CSMD1: variants seen among roughly 807,000 people sequenced by gnomAD.
The protein encoded by CSMD1 is CUB and Sushi multiple domains 1.
CSMD1 carries 213 observed loss-of-function variants against 417.5 expected under a neutral mutation model. The observed-to-expected ratio is 0.51, with a 90% confidence interval of 0.46 to 0.57. The LOEUF is 0.57. CSMD1 is among the 20% of genes least tolerant of loss of function. The pLI is 0.00. For synonymous variants in CSMD1, 2,862 were observed against 1,736.8 expected (o/e 1.65, Z -16.11); for missense variants, 6,923 against 4,529.7 (o/e 1.53, Z -15.17).
intron 39 of CSMD1, 28 bp downstream of exon 39, chr8:3,157,869 A>T: frequency 6.5e-7 from 1 of 1,532,976 alleles, no homozygotes; most frequent in Non-Finnish European, 8.9e-7. Context: ...TGTGCGCAGC[A>T]GCAGAGTTAC....
intron 3 of CSMD1, among the ~76,000 whole-genome samples, chr8:4,412,431 G>C (rs113351507): frequency 0.023 from 3,552 of 152,248 alleles, 130 homozygotes; most frequent in African/African-American, 0.081. Flanking sequence ...ACCATGATTG[G>C]AAGCTTCCCG....
chr8:4,026,582 G>T (rs566955853), intron 4 of CSMD1, among the ~76,000 whole-genome samples: 24 of 152,288 alleles, frequency 1.6e-4, no homozygotes, highest in Non-Finnish European at 3.2e-4. Context: ...AATGTCACAA[G>T]GAACTAAGGA....
intron 2 of CSMD1, among the ~76,000 whole-genome samples, chr8:4,554,079 T>C (rs1797987121): frequency 6.6e-6 from 1 of 152,222 alleles, no homozygotes; most frequent in South Asian, 2.1e-4. Context: ...CTTCAGGTTT[T>C]TAATATTGTG....
intron 5 of CSMD1, among the ~76,000 whole-genome samples, chr8:3,930,477 T>G (rs953384990): frequency 2.7e-5 from 4 of 150,664 alleles, no homozygotes; most frequent in African/African-American, 9.8e-5. Context: ...TTTCTCACCA[T>G]TCCACAAGTT....
At chr8:4,683,394 G>T (rs1429079588) in intron 1 of CSMD1, among the ~76,000 whole-genome samples, 1 of 152,044 alleles carries the variant, frequency 6.6e-6, no homozygotes, top group East Asian at 1.9e-4. Flanking sequence ...CCTTTTCTGA[G>T]ACCTGTCCTT....
Position 4,949,337 on chromosome 8 carries a change from A to G in CSMD1, c.85+44995T>C, listed in dbSNP as rs149871343. On this transcript the variant is annotated intron_variant, in intron 1 of 69. Transcript: ENST00000635120. ...AAAGTTATTTTGGCCTCATTAACTG[A>G]TATTTCACTTTATTATTTGTAAATG... Among the ~76,000 whole-genome samples the G allele has an allele frequency of 7.5e-4, 114 of 152,262 alleles. No homozygotes were observed. In the East Asian group the frequency reaches 0.019, roughly 25 times the overall value.
chr8:3,175,340 C>G (rs1820843107), intron 37 of CSMD1, among the ~76,000 whole-genome samples: 1 of 152,058 alleles, frequency 6.6e-6, no homozygotes, highest in African/African-American at 2.4e-5. Flanking sequence ...CTGATTCAAC[C>G]TCCTACGTTA....
chr8:4,934,568 G>T (rs551527099), intron 1 of CSMD1, among the ~76,000 whole-genome samples: 25 of 152,078 alleles, frequency 1.6e-4, no homozygotes, highest in Non-Finnish European at 2.2e-4. Context: ...ACTGCAACAT[G>T]GACAAAGAAA....
intron 23 of CSMD1, among the ~76,000 whole-genome samples, chr8:3,311,846 T>G (rs1055530550): frequency 6.6e-6 from 1 of 152,208 alleles, no homozygotes. Context: ...CTGTGGGACT[T>G]ACAAATTGTT....
chr8:3,936,040 G>C (rs751527095), intron 5 of CSMD1, among the ~76,000 whole-genome samples: 1 of 152,154 alleles, frequency 6.6e-6, no homozygotes, highest in African/African-American at 2.4e-5. Context: ...CTGATATGGA[G>C]AAAGTTTAGA....
intron 1 of CSMD1, among the ~76,000 whole-genome samples, chr8:4,699,709 C>T (rs904379242): frequency 6.6e-6 from 1 of 152,098 alleles, no homozygotes; most frequent in Non-Finnish European, 1.5e-5. Flanking sequence ...ATCTCCCAGA[C>T]AATTTATGAG....
rs180776947 is a variant in CSMD1 at position 3,290,971 on chromosome 8, T to C, written c.3951-6625A>G. Among the ~76,000 whole-genome samples the C allele has an allele frequency of 5.3e-3, 811 of 152,310 alleles. 1 individual carries two copies. Among genetic ancestry groups the C allele is most frequent in the Admixed American group, 7.0e-3 (107 of 15,296 alleles). ...ATATTGGCTGTGGGTTTGTCATAGA[T>C]AGCTCTTATTATTTTGAGATACGTC... On this transcript the variant is annotated intron_variant, in intron 25 of 69. Coordinates refer to ENST00000635120, the MANE Select transcript of CSMD1 (RefSeq NM_033225.6).
At chr8:3,926,756 G>C (rs1238058160) in intron 5 of CSMD1, among the ~76,000 whole-genome samples, 1 of 118,564 alleles carries the variant, frequency 8.4e-6, no homozygotes, top group African/African-American at 3.3e-5. Flanking sequence ...CCGCTCTGTA[G>C]CCAGGGTGGA....
At chr8:3,032,301 G>C (rs1171375496) in intron 50 of CSMD1, among the ~76,000 whole-genome samples, 1 of 151,930 alleles carries the variant, frequency 6.6e-6, no homozygotes, top group African/African-American at 2.4e-5. Context: ...TAATTTGGGA[G>C]GAGAAATCCC....
intron 62 of CSMD1, among the ~76,000 whole-genome samples, chr8:2,960,651 T>C (rs1803374059): frequency 6.6e-6 from 1 of 152,108 alleles, no homozygotes; most frequent in African/African-American, 2.4e-5. Flanking sequence ...TTAAAGATCA[T>C]ACGGAGAACT....
intron 26 of CSMD1, among the ~76,000 whole-genome samples, chr8:3,275,473 C>G (rs1338475588): frequency 6.6e-6 from 1 of 152,140 alleles, no homozygotes; most frequent in South Asian, 2.1e-4. Context: ...TGAATGTTGA[C>G]CTGCCTTGCT....
intron 1 of CSMD1, among the ~76,000 whole-genome samples, chr8:4,922,696 G>T (rs949014257): frequency 6.6e-6 from 1 of 152,186 alleles, no homozygotes; most frequent in Non-Finnish European, 1.5e-5. Context: ...CAGACCTTCA[G>T]ATGACAGACC....
At chr8:3,489,222 A>G (rs1188981858) in intron 11 of CSMD1, among the ~76,000 whole-genome samples, 1 of 152,200 alleles carries the variant, frequency 6.6e-6, no homozygotes, top group East Asian at 1.9e-4. Context: ...CAAGAAGTAG[A>G]TTCAGCAAAA....
chr8:4,352,819 G>T (rs760406983), intron 3 of CSMD1, among the ~76,000 whole-genome samples: 1 of 152,142 alleles, frequency 6.6e-6, no homozygotes, highest in Non-Finnish European at 1.5e-5. Flanking sequence ...TTTCAAGATG[G>T]TTCAAACGAA....
Sources: gnomAD v4.1 joint callset for allele counts (sites outside exome capture counted in the v4.1 genomes callset) on GRCh38, gnomAD v4.1.1 for gene constraint, MANE v1.5 for transcripts, NCBI Gene and HGNC (gene_info 2026-07-23, HGNC 2026-07-21) for gene names.